ZC3H3: variants seen among roughly 807,000 people sequenced by gnomAD.
ZC3H3 encodes the protein zinc finger CCCH-type containing 3, also known as zinc finger CCCH domain-containing protein 3.
A neutral mutation model predicts 77.3 loss-of-function variants in ZC3H3; 36 were observed. The ratio of observed to expected loss-of-function variants is 0.47; its 90% CI spans 0.36 to 0.61. The LOEUF (loss-of-function observed/expected upper bound fraction) is 0.61. Among genes scored for constraint, ZC3H3 ranks in the 20% least tolerant of loss-of-function variants. ZC3H3 has a pLI of 0.00. For synonymous variants in ZC3H3, 626 were observed against 555.2 expected (o/e 1.13, Z -1.79); for missense variants, 1,331 against 1,312.2 (o/e 1.01, Z -0.22).
intron 4 of ZC3H3, among the ~76,000 whole-genome samples, chr8:143,500,190 C>T (rs1249364429): frequency 6.6e-6 from 1 of 152,262 alleles, no homozygotes; most frequent in Non-Finnish European, 1.5e-5. Context: ...ACCCACAGAA[C>T]TATCTGCTTC....
At position 143,498,105 on chromosome 8, in the gene ZC3H3, C is replaced by T. The variant is rs142708395; in HGVS notation, c.1715+9641G>A. Among the ~76,000 whole-genome samples the T allele has an allele frequency of 1.6e-3, 251 of 152,292 alleles. 2 individuals carry two copies. The highest frequency in any genetic ancestry group is 5.7e-3 in the African/African-American group (238 of 41,568). Reference sequence around the variant, plus strand: ...AGAACGGCAGGAACTGCCTGGGCCACGCACCGGGGCCCGGGGCAGGGGCTG... The same window carrying T: ...AGAACGGCAGGAACTGCCTGGGCCATGCACCGGGGCCCGGGGCAGGGGCTG... On this transcript the variant is annotated intron_variant, in intron 4 of 11. Coordinates refer to ENST00000262577, the MANE Select transcript of ZC3H3 (RefSeq NM_015117.3).
intron 5 of ZC3H3, among the ~76,000 whole-genome samples, chr8:143,472,294 C>T (rs531870384): frequency 2.8e-4 from 42 of 152,348 alleles, no homozygotes; most frequent in African/African-American, 4.8e-5. Context: ...GAAGGGCCAA[C>T]GGAGGCAGAG....
At chr8:143,467,580 C>T (rs1162676123) in intron 8 of ZC3H3, among the ~76,000 whole-genome samples, 3 of 152,242 alleles carry the variant, frequency 2.0e-5, no homozygotes, top group African/African-American at 7.2e-5. Flanking sequence ...GCCCTCACTC[C>T]ACTCGCATGC....
chr8:143,517,506 G>A (rs1822097975), intron 3 of ZC3H3, among the ~76,000 whole-genome samples: 4 of 152,306 alleles, frequency 2.6e-5, no homozygotes, highest in South Asian at 2.1e-4. Flanking sequence ...AAGGACAGCT[G>A]GGCTTGGGCC....
chr8:143,496,343 G>A (rs1821350987), intron 4 of ZC3H3, among the ~76,000 whole-genome samples: 2 of 152,352 alleles, frequency 1.3e-5, no homozygotes, highest in Admixed American at 6.5e-5. Context: ...GCCCCCCAAG[G>A]AGCCGGGGTT....
At chr8:143,518,796 G>A (rs1822145763) in intron 3 of ZC3H3, among the ~76,000 whole-genome samples, 1 of 152,236 alleles carries the variant, frequency 6.6e-6, no homozygotes, top group South Asian at 2.1e-4. Flanking sequence ...GTGCAACTGG[G>A]GACCCTGAGA....
At chr8:143,518,845 G>A (rs1822147672) in intron 3 of ZC3H3, among the ~76,000 whole-genome samples, 1 of 152,246 alleles carries the variant, frequency 6.6e-6, no homozygotes, top group South Asian at 2.1e-4. Flanking sequence ...CCACCCAACG[G>A]GAGCCACAGG....
rs567617837 is a variant in ZC3H3, at chr8:143,466,316, T to C, written c.2176-468A>G. Among the ~76,000 whole-genome samples the C allele has an allele frequency of 4.1e-4, 63 of 152,246 alleles. 2 individuals are homozygous for C. The South Asian group carries it at 0.013, about 31-fold the overall frequency. ...TCTCCCTCTCCAGGCACCTGACCCGTGGGCCACAGGCAGTGTCCCTGGGCT... is the reference window on the plus strand; with the variant it reads ...TCTCCCTCTCCAGGCACCTGACCCGCGGGCCACAGGCAGTGTCCCTGGGCT... On this transcript the variant is annotated intron_variant, in intron 8 of 11. Coordinates refer to ENST00000262577, the MANE Select transcript of ZC3H3 (RefSeq NM_015117.3).
rs540725502 is a variant in ZC3H3 at position 143,530,858 on chromosome 8, C to T, written c.1561+5399G>A. On this transcript the variant is annotated intron_variant, in intron 3 of 11. Transcript: ENST00000262577. The surrounding 1 kb of genome is among the most constrained non-coding windows in gnomAD (Gnocchi z 4.3). ...TCTGCCCAAATGCCCCCTCTAGCAT[C>T]GGTCCACCAGAGACAGATCAACCCA... Among the ~76,000 whole-genome samples, 20 of 152,162 alleles carry T rather than the reference C, an allele frequency of 1.3e-4. No individual in the cohort carries two copies. Among genetic ancestry groups the T allele is most frequent in the African/African-American group, 3.9e-4 (16 of 41,514 alleles).
Position 143,533,428 on chromosome 8 carries a change from T to C in ZC3H3, c.1561+2829A>G, listed in dbSNP as rs1822686758. Among the ~76,000 whole-genome samples, 1 of 152,092 alleles carries C rather than the reference T, an allele frequency of 6.6e-6. No homozygotes were observed. The highest frequency in any genetic ancestry group is 2.4e-5 in the African/African-American group (1 of 41,412). ...CCCCTGCCTGTTCCTCAGAAGGCAT[T>C]TTCCACCCAGGAGCACCTTCCTGGC... is the stretch of plus-strand genomic sequence containing the variant. On this transcript the variant is annotated intron_variant, in intron 3 of 11. Transcript: ENST00000262577. This position sits in a 1 kb window ranked among gnomAD's most constrained non-coding sequence, Gnocchi z 4.0.
chr8:143,512,564 G>A (rs568059035), intron 3 of ZC3H3, among the ~76,000 whole-genome samples: 2 of 152,316 alleles, frequency 1.3e-5, no homozygotes, highest in Non-Finnish European at 2.9e-5. Context: ...CTTCCAGTAC[G>A]GCCGTGAATG....
intron 3 of ZC3H3, among the ~76,000 whole-genome samples, chr8:143,524,579 T>G: frequency 6.6e-6 from 1 of 152,116 alleles, no homozygotes; most frequent in Non-Finnish European, 1.5e-5. Flanking sequence ...CGCACAGAGG[T>G]GGGTCAAGGA....
Position 143,494,011 on chromosome 8 carries a change from C to T in ZC3H3, c.1715+13735G>A, listed in dbSNP as rs1821276495. On this transcript the variant is annotated intron_variant, in intron 4 of 11. Transcript: ENST00000262577. The surrounding 1 kb of genome is among the most constrained non-coding windows in gnomAD (Gnocchi z 5.3). ...TTTTACAGCACTTGGGGAGCCGTAACCGCCTGTTCCCATAAAATAAAACTC... is the reference window on the plus strand; with the variant it reads ...TTTTACAGCACTTGGGGAGCCGTAATCGCCTGTTCCCATAAAATAAAACTC... Among the ~76,000 whole-genome samples the T allele has an allele frequency of 1.3e-5, 2 of 152,208 alleles. No homozygotes were observed. The highest frequency in any genetic ancestry group is 2.4e-5 in the African/African-American group (1 of 41,452).
chr8:143,481,984 G>A (rs1474390732), intron 4 of ZC3H3, among the ~76,000 whole-genome samples: 1 of 152,216 alleles, frequency 6.6e-6, no homozygotes, highest in African/African-American at 2.4e-5. Context: ...AAAGGGGGCT[G>A]CACCCACCCC....
chr8:143,538,636 C>A lies in ZC3H3; in HGVS notation c.731G>T (p.Gly244Val), dbSNP rs772431458. Residue 244 changes from glycine (G) to valine (V), a missense_variant, in exon 2 of 12, where the codon GGC (glycine) becomes GTC (valine). This residue lies in a region of ZC3H3 where 978 missense variants were observed against 915.5 expected (regional missense o/e 1.07). Transcript: ENST00000262577. ...CACGGAATGAGAACCCAGCTTCCGG[C>A]CCAGGGCCACGCCAGTGCGTGGGGG... ...ALPPRTGVAL[G>V]RKLGSHSVAS... 6.2e-7 allele frequency: 1 copy of A among 1,608,944 alleles called. No individual in the cohort carries two copies. The highest frequency in any genetic ancestry group is 1.1e-5 in the South Asian group (1 of 91,078).
At chr8:143,470,340 C>A (rs904460769) in intron 5 of ZC3H3, among the ~76,000 whole-genome samples, 3 of 152,158 alleles carry the variant, frequency 2.0e-5, no homozygotes, top group African/African-American at 4.8e-5. Flanking sequence ...GGAAAGGGGG[C>A]GTTGAAGAAC....
intron 3 of ZC3H3, among the ~76,000 whole-genome samples, chr8:143,526,933 G>GAGGCAAGCAGC (rs1822430052): frequency 6.6e-6 from 1 of 152,168 alleles, no homozygotes; most frequent in African/African-American, 2.4e-5. Context: ...AGGCAAGCAG[G>GAGGCAAGCAGC]AGGCAAGCAG....
chr8:143,472,020 GCCA>G (rs1820580712), intron 5 of ZC3H3, among the ~76,000 whole-genome samples: 1 of 151,992 alleles, frequency 6.6e-6, no homozygotes, highest in African/African-American at 2.4e-5. Context: ...TGCCACAGTC[GCCA>G]CCAAGGCTGG....
intron 3 of ZC3H3, among the ~76,000 whole-genome samples, chr8:143,531,259 A>G (rs948784265): frequency 3.9e-5 from 6 of 152,170 alleles, no homozygotes; most frequent in African/African-American, 1.4e-4. Flanking sequence ...GCACCCGGCC[A>G]GTGTCTCACA....
Sources: allele counts gnomAD v4.1 joint callset (sites outside exome capture counted in the v4.1 genomes callset), GRCh38; gene constraint gnomAD v4.1.1; regional missense constraint gnomAD v4.1.1; non-coding constraint Gnocchi (gnomAD v3.1); transcripts MANE v1.5; gene names NCBI Gene and HGNC (gene_info 2026-07-23, HGNC 2026-07-21).